The following HADHA variants were observed in gnomAD, a reference collection of about 807,000 sequenced individuals.
The protein encoded by HADHA is hydroxyacyl-CoA dehydrogenase trifunctional multienzyme complex subunit alpha, also known as trifunctional enzyme subunit alpha, mitochondrial.
A neutral mutation model predicts 91.3 loss-of-function variants in HADHA; 59 were observed. The ratio of observed to expected loss-of-function variants is 0.65; its 90% confidence interval spans 0.52 to 0.80. The LOEUF is 0.80. Among genes scored for constraint, HADHA ranks in the 30% least tolerant of loss-of-function variants. The pLI is 0.00. For synonymous variants in HADHA, 320 were observed against 338.9 expected (o/e 0.94, Z 0.61); for missense variants, 800 against 927.6 (o/e 0.86, Z 1.79).
intron 13 of HADHA, among the ~76,000 whole-genome samples, chr2:26,198,661 TA>T (rs11402059): frequency 8.1e-5 from 12 of 148,714 alleles, no homozygotes; most frequent in Non-Finnish European, 1.3e-4. Context: ...CCTTAAGATT[TA>T]AAAAAAAAAG....
intron 13 of HADHA, among the ~76,000 whole-genome samples, chr2:26,198,795 A>C (rs1193896155): frequency 6.6e-6 from 1 of 152,050 alleles, no homozygotes; most frequent in Non-Finnish European, 1.5e-5. Context: ...AACAACTATA[A>C]TCCCAACACT....
intron 13 of HADHA, among the ~76,000 whole-genome samples, chr2:26,198,085 A>G (rs999381671): frequency 1.3e-5 from 2 of 152,148 alleles, no homozygotes; most frequent in African/African-American, 4.8e-5. Flanking sequence ...CAACACTGAA[A>G]AGACGGCCTT....
chr2:26,211,337 A>AT lies in HADHA; in HGVS notation c.975+1232dup, dbSNP rs917539477. ...CTGGTACTTGTCCTGAGCTCTTCAGATTTTTTTTTTTGTCCTTTTACAGGT... is the reference window on the plus strand; with the variant it reads ...CTGGTACTTGTCCTGAGCTCTTCAGATTTTTTTTTTTTGTCCTTTTACAGGT... On this transcript the variant is annotated intron_variant, in intron 10 of 19. Coordinates refer to ENST00000380649, the MANE Select transcript of HADHA (RefSeq NM_000182.5). Among the ~76,000 whole-genome samples the AT allele has an allele frequency of 5.6e-3, 823 of 147,072 alleles. 2 individuals are homozygous for AT. The highest frequency in any genetic ancestry group is 0.011 in the East Asian group (56 of 5,080).
chr2:26,241,920 ATT>A, intron 1 of HADHA, among the ~76,000 whole-genome samples: 1 of 146,336 alleles, frequency 6.8e-6, no homozygotes. Context: ...CTTCAAGATA[ATT>A]TTTTTTTTTT....
At chr2:26,232,017 G>T in intron 6 of HADHA, 143 bp downstream of exon 6, 1 of 680,566 alleles carries the variant, frequency 1.5e-6, no homozygotes, top group Non-Finnish European at 2.6e-6. Context: ...ATAAGTACCA[G>T]GAATAAAGTC....
intron 14 of HADHA, among the ~76,000 whole-genome samples, chr2:26,196,414 T>C (rs140413011): frequency 4.2e-4 from 64 of 152,346 alleles, no homozygotes; most frequent in African/African-American, 1.4e-3. Flanking sequence ...AATTTCTATA[T>C]AATAAAATGC....
chr2:26,227,431 G>A (rs565702617), intron 7 of HADHA, among the ~76,000 whole-genome samples: 1 of 152,016 alleles, frequency 6.6e-6, no homozygotes, highest in East Asian at 1.9e-4. Context: ...AGAATCGCTT[G>A]AACCTGGCAG....
In HADHA at chr2:26,215,922, T is replaced by C. The variant is rs538478019; in HGVS notation, c.677-747A>G. 2.0e-4 allele frequency among the ~76,000 whole-genome samples: 31 copies of C among 152,354 alleles called. No individual in the cohort carries two copies. The South Asian group carries it at 6.4e-3, about 32-fold the overall frequency. Reference sequence around the variant, plus strand: ...GGGCCTGAAACCAATATGCAACTGATTTTCCACGCAAGGCCTCTGCCAGAT... The same window carrying C: ...GGGCCTGAAACCAATATGCAACTGACTTTCCACGCAAGGCCTCTGCCAGAT... On this transcript the variant is annotated intron_variant, in intron 7 of 19. Transcript: ENST00000380649.
At chr2:26,197,265 T>C (rs1177531734) in intron 14 of HADHA, among the ~76,000 whole-genome samples, 2 of 152,060 alleles carry the variant, frequency 1.3e-5, no homozygotes, top group African/African-American at 4.8e-5. Flanking sequence ...TGTCCCGGGG[T>C]AGAAGGTGTA....
chr2:26,204,774 G>A (rs995369622), intron 11 of HADHA, among the ~76,000 whole-genome samples: 2 of 151,894 alleles, frequency 1.3e-5, no homozygotes, highest in Non-Finnish European at 2.9e-5. Context: ...TTGTAGATAG[G>A]GTCTCACTAT....
At chr2:26,208,339 C>T (rs1470484464) in intron 11 of HADHA, among the ~76,000 whole-genome samples, 1 of 152,052 alleles carries the variant, frequency 6.6e-6, no homozygotes, top group Non-Finnish European at 1.5e-5. Flanking sequence ...TGCATACTGA[C>T]TACACAATAC....
intron 11 of HADHA, among the ~76,000 whole-genome samples, chr2:26,204,871 A>G (rs1669935874): frequency 6.6e-6 from 1 of 152,026 alleles, no homozygotes; most frequent in Non-Finnish European, 1.5e-5. Flanking sequence ...TACAGGTGTG[A>G]GCCATCGTGT....
intron 1 of HADHA, among the ~76,000 whole-genome samples, chr2:26,241,491 C>CA (rs912583528): frequency 9.8e-5 from 14 of 142,802 alleles, no homozygotes; most frequent in East Asian, 2.0e-4. Flanking sequence ...AAAAAAAAAA[C>CA]AAAAAAAAAG....
In HADHA at chr2:26,193,587, C is replaced by G. The variant is rs1669574600; in HGVS notation, c.1875G>C (p.Lys625Asn). Reference protein sequence around the residue: ...NPELLTQMVSKGFLGRKSGKG... With the variant: ...NPELLTQMVSNGFLGRKSGKG... Reference sequence around the variant, plus strand: ...CTTGAGGCTACTCACCTAGGAAGCCCTTGGACACCATCTGTGTCAGCAGTT... The same window carrying G: ...CTTGAGGCTACTCACCTAGGAAGCCGTTGGACACCATCTGTGTCAGCAGTT... Residue 625 changes from lysine to asparagine, a missense_variant, in exon 17 of 20, where the codon AAG becomes AAC. Lys to Asn is a moderately conservative substitution (Grantham distance 94). Coordinates refer to ENST00000380649, the MANE Select transcript of HADHA (RefSeq NM_000182.5). 1 of 1,613,376 alleles carries G rather than the reference C, an allele frequency of 6.2e-7. No individual in the cohort carries two copies. Among genetic ancestry groups the G allele is most frequent in the East Asian group, 2.2e-5 (1 of 44,890 alleles).
In HADHA at chr2:26,191,766, C is replaced by T. The variant is rs114021904; in HGVS notation, c.2001-138G>A. Reference sequence around the variant, plus strand: ...TTGGTGCTGGCCCTCAGAGAAGATGCTGCCTGGGTGAACCAAACTTTCCCA... The same window carrying T: ...TTGGTGCTGGCCCTCAGAGAAGATGTTGCCTGGGTGAACCAAACTTTCCCA... On this transcript the variant is annotated intron_variant, in intron 18 of 19. Coordinates refer to ENST00000380649, the MANE Select transcript of HADHA (RefSeq NM_000182.5). 8,188 of 863,040 alleles carry T rather than the reference C, an allele frequency of 9.5e-3. 64 individuals carry two copies. Among genetic ancestry groups the T allele is most frequent in the Non-Finnish European group, 0.013 (6,455 of 506,856 alleles). The allele number at this position is 863,040 out of a possible 1,614,324, so 53.5% of individuals were successfully genotyped here.
intron 12 of HADHA, among the ~76,000 whole-genome samples, chr2:26,202,666 G>A (rs1212594662): frequency 4.6e-5 from 7 of 152,188 alleles, no homozygotes; most frequent in Admixed American, 3.3e-4. Flanking sequence ...GCTTGAACCC[G>A]GGAGGCAGAG....
At chr2:26,215,849 C>T (rs1670204863) in intron 7 of HADHA, among the ~76,000 whole-genome samples, 1 of 152,224 alleles carries the variant, frequency 6.6e-6, no homozygotes, top group Non-Finnish European at 1.5e-5. Context: ...AGTGAAATCT[C>T]TCATAGTATC....
chr2:26,191,787 T>C (rs1419557080), intron 18 of HADHA, among the ~76,000 whole-genome samples, 159 bp from the exon 19 acceptor site: 2 of 152,108 alleles, frequency 1.3e-5, no homozygotes, highest in African/African-American at 2.4e-5. Flanking sequence ...AACCAAACTT[T>C]CCCATGGAAA....
At chr2:26,192,248 G>A (rs1669529120) in intron 18 of HADHA, 62 bp downstream of exon 18, 3 of 860,108 alleles carry the variant, frequency 3.5e-6, no homozygotes, top group Admixed American at 1.7e-5. Context: ...AAGAGGGGCT[G>A]GGAAGCTTTG....
Sources: allele counts gnomAD v4.1 joint callset (sites outside exome capture counted in the v4.1 genomes callset), GRCh38; gene constraint gnomAD v4.1.1; transcripts MANE v1.5; gene names NCBI Gene and HGNC (gene_info 2026-07-23, HGNC 2026-07-21).